The following PIDD1 variants were observed in gnomAD, a reference collection of about 807,000 sequenced individuals.
PIDD1 encodes the protein p53-induced death domain-containing protein 1.
A neutral mutation model predicts 80.0 loss-of-function variants in PIDD1; 72 were observed. The observed-to-expected ratio is 0.90, with a 90% CI of 0.74 to 1.09. The LOEUF (loss-of-function observed/expected upper bound fraction) is 1.09, where lower values mean the gene tolerates loss of function less well. Among genes scored for constraint, PIDD1 ranks in the 50% least tolerant of loss-of-function variants. The probability of loss-of-function intolerance (pLI) is 0.00; values close to 1 mark genes in which losing one functional copy is unlikely to be tolerated. For synonymous variants in PIDD1, 655 were observed against 543.5 expected, an observed-to-expected ratio of 1.21 and a Z score of -2.85; for missense variants, 1,329 against 1,228.3, an observed-to-expected ratio of 1.08 and a Z score of -1.23.
rs1360058599 is a variant in PIDD1 at position 802,031 on chromosome 11, C to T, written c.1236G>A (p.Val412=). 5 of 1,600,088 alleles carry T rather than the reference C, an allele frequency of 3.1e-6. 1 individual carries two copies. Among genetic ancestry groups the T allele is most frequent in the East Asian group, 2.3e-5 (1 of 44,308 alleles). ...PPQARRCREV[V]VRTRNDNSWG... is the part of the protein sequence containing the mutation. ...AGCTGTTGTCATTCCGGGTCCTGAC[C>T]ACCACTTCACGGCAGCGCCGGGCCT... The change falls in exon 7 of 16, where the codon GTG becomes GTA. Residue 412 remains valine, a synonymous_variant. Transcript: ENST00000347755.
In PIDD1 at chr11:799,848, T is replaced by C; in HGVS notation, c.2441A>G (p.Tyr814Cys). 1 of 1,606,370 alleles carries C rather than the reference T, an allele frequency of 6.2e-7. No homozygotes were observed. The change falls in exon 15 of 16, where the codon TAC (tyrosine) becomes TGC (cysteine). Residue 814 changes from tyrosine (Y) to cysteine (C), a missense_variant. Physicochemically the swap from Tyr to Cys is radical, Grantham distance 194. Transcript: ENST00000347755. ...PAVALHLGVS[Y>C]REVQRIRHEF... ...GTGCCGGATGCGCTGCACCTCCCGG[T>C]AGGACACCCCCAGGTGCAGGGCCAC... is the stretch of plus-strand genomic sequence containing the variant.
At position 804,055 on chromosome 11, in the gene PIDD1, C is replaced by T. The variant is rs568718916; in HGVS notation, c.295+39G>A. On this transcript the variant is annotated intron_variant, in intron 2 of 15. Transcript: ENST00000347755. ...AACATGCAGCAGAGGCAGGGCAGAG[C>T]GAGAGATGGAGACAGGGCCCAGAAC... is the stretch of plus-strand genomic sequence containing the variant. 131 of 1,559,500 alleles carry T rather than the reference C, an allele frequency of 8.4e-5. No individual in the cohort carries two copies. In the South Asian group the frequency reaches 1.2e-3, roughly 15 times the overall value.
Position 802,072 on chromosome 11 carries a change from G to T in PIDD1, c.1195C>A (p.Leu399Ile). ...AFQQDVGLWL[L>I]FTPPQARRCR... ...CGCCGGGCCTGCGGTGGGGTGAAGA[G>T]CAGCCACAGCCCCACATCCTGCCAG... is the stretch of plus-strand genomic sequence containing the variant. The change falls in exon 7 of 16, where the codon CTC (leucine) becomes ATC (isoleucine). Residue 399 changes from leucine to isoleucine, a missense_variant. Coordinates refer to ENST00000347755, the MANE Select transcript of PIDD1 (RefSeq NM_145886.4). The T allele has an allele frequency of 6.3e-7, 1 of 1,579,448 alleles. No homozygotes were observed. The highest frequency in any genetic ancestry group is 1.8e-5 in the Admixed American group (1 of 54,358).
upstream of PIDD1, among the ~76,000 whole-genome samples, chr11:806,388 C>T (rs1039698739): frequency 6.6e-6 from 1 of 152,144 alleles, no homozygotes. Flanking sequence ...GCTTCCTCGC[C>T]CAGGAGAGCA....
rs1865138433 is a variant in PIDD1, at chr11:800,120, C to T, written c.2274+11G>A. ...GTCCTGCCCCGCCCCTCTGCTGTCC[C>T]TCAGTCCCACCGGCAGCTTGATGGG... On this transcript the variant is annotated intron_variant, in intron 14 of 15. Coordinates refer to ENST00000347755, the MANE Select transcript of PIDD1 (RefSeq NM_145886.4). The T allele has an allele frequency of 6.2e-7, 1 of 1,608,996 alleles. No homozygotes were observed.
At chr11:802,447 T>C (rs756838165) in intron 5 of PIDD1, 51 bp from the exon 6 acceptor site, 2 of 1,599,122 alleles carry the variant, frequency 1.3e-6, no homozygotes, top group Non-Finnish European at 1.7e-6. Flanking sequence ...GGCCTACGTG[T>C]TGGAGCCTGG....
In PIDD1 at chr11:802,697, C is replaced by T. The variant is rs749541281; in HGVS notation, c.904G>A (p.Ala302Thr). 83 of 1,610,352 alleles carry T rather than the reference C, an allele frequency of 5.2e-5. No individual in the cohort carries two copies. The highest frequency in any genetic ancestry group is 2.7e-4 in the East Asian group (12 of 44,832). ...GNPLGEASPD[A>T]PSSPVAALIP... ...CCAAGCCTACCTGGTGAACTCGGGG[C>T]GTCTGGCGAGGCCTCACCCAGGGGG... is the stretch of plus-strand genomic sequence containing the variant. Residue 302 changes from alanine to threonine, a missense_variant, in exon 4 of 16, where the codon GCC (alanine) becomes ACC (threonine). Coordinates refer to ENST00000347755, the MANE Select transcript of PIDD1 (RefSeq NM_145886.4).
Position 802,897 on chromosome 11 carries a change from G to A in PIDD1, c.710-6C>T, listed in dbSNP as rs1865491245. On this transcript the variant is annotated splice_polypyrimidine_tract_variant and splice_region_variant and intron_variant, in intron 3 of 15. Transcript: ENST00000347755. ...CCGCAAGGACCGAAGTCCCGCTGCG[G>A]GCAGTTGCTGGCTTAGGCTTGGCAC... The A allele has an allele frequency of 6.4e-7, 1 of 1,556,144 alleles. No individual in the cohort carries two copies. The highest frequency in any genetic ancestry group is 8.7e-7 in the Non-Finnish European group (1 of 1,150,952).
Position 800,365 on chromosome 11 carries a change from G to A in PIDD1, c.2128C>T (p.Leu710=). The A allele has an allele frequency of 3.1e-6, 5 of 1,612,950 alleles. No homozygotes were observed. The highest frequency in any genetic ancestry group is 4.2e-6 in the Non-Finnish European group (5 of 1,180,002). Residue 710 remains leucine (L), a synonymous_variant, in exon 13 of 16, where the codon CTG becomes TTG. Coordinates refer to ENST00000347755, the MANE Select transcript of PIDD1 (RefSeq NM_145886.4). The part of the protein sequence containing the change: ...NVKEVYVTTT[L]DREAQAVRGQ... ...CGCACAGCCTGAGCCTCCCGGTCCA[G>A]AGTGGTGGTCACGTATACCTCCTTC...
chr11:799,952 C>T lies in PIDD1; in HGVS notation c.2337G>A (p.Leu779=), dbSNP rs773226675. Residue 779 remains leucine, a synonymous_variant, in exon 15 of 16, where the codon CTG becomes CTA. Transcript: ENST00000347755. The part of the protein sequence containing the change: ...GAGLSLAPLN[L]GDAETGFLTQ... ...TCAGAAAGCCGGTCTCGGCATCTCC[C>T]AGATTCAAGGGTGCCAAGGAGAGGC... The T allele has an allele frequency of 1.6e-5, 25 of 1,612,740 alleles. No individual in the cohort carries two copies. Among genetic ancestry groups the T allele is most frequent in the Non-Finnish European group, 1.9e-5 (23 of 1,179,956 alleles).
At chr11:804,523 C>T (rs1865643874) in intron 1 of PIDD1, 60 bp from the exon 2 acceptor site, 3 of 1,424,512 alleles carry the variant, frequency 2.1e-6, no homozygotes, top group Non-Finnish European at 2.7e-6. Flanking sequence ...TTTGGGGAAA[C>T]AGGGACTCTG....
rs1033802223 is a variant in PIDD1, at chr11:802,273, G to A, written c.1098C>T (p.Gly366=). The A allele has an allele frequency of 1.2e-6, 2 of 1,611,790 alleles. No homozygotes were observed. The highest frequency in any genetic ancestry group is 1.7e-6 in the Non-Finnish European group (2 of 1,179,582). ...IRYRLLLPEP[G]LVPLGPHDAL... ...CGTCATGAGGACCCAGGGGGACGAG[G>A]CCTGGCTCCGGCAGCAGCAGCCGAT... Residue 366 remains glycine, a synonymous_variant, in exon 6 of 16, where the codon GGC becomes GGT. Coordinates refer to ENST00000347755, the MANE Select transcript of PIDD1 (RefSeq NM_145886.4).
At position 803,718 on chromosome 11, in the gene PIDD1, G is replaced by A. The variant is rs903619012; in HGVS notation, c.296-131C>T. On this transcript the variant is annotated intron_variant, in intron 2 of 15. Transcript: ENST00000347755. ...CCCACCCCCACCCCAGCCAGACAGGGACAGACAGACAGAAACACTGGAGAG... is the reference window on the plus strand; with the variant it reads ...CCCACCCCCACCCCAGCCAGACAGGAACAGACAGACAGAAACACTGGAGAG... The A allele has an allele frequency of 3.8e-6, 4 of 1,043,290 alleles. No individual in the cohort carries two copies. In the African/African-American group the frequency reaches 6.4e-5, roughly 17 times the overall value. 64.6% of individuals were successfully genotyped at this position (1,043,290 alleles called of 1,614,324 possible).
chr11:799,437 T>A lies in PIDD1; in HGVS notation c.2603A>T (p.Glu868Val). ...GCCGAGCTCCAAGACTGCGCGCACC[T>A]CTTCAGCCACGTCCTGCCGGTCACT... ...EQSDRQDVAE[E>V]VRAVLELGRR... The change falls in exon 16 of 16, where the codon GAG becomes GTG. Residue 868 changes from glutamate to valine, a missense_variant. Glu to Val is a moderately radical substitution (Grantham distance 121). Coordinates refer to ENST00000347755, the MANE Select transcript of PIDD1 (RefSeq NM_145886.4). 1.2e-6 allele frequency: 2 copies of A among 1,611,060 alleles called. No individual in the cohort carries two copies. The highest frequency in any genetic ancestry group is 1.7e-6 in the Non-Finnish European group (2 of 1,179,886).
In PIDD1 at chr11:799,435, C is replaced by T; in HGVS notation, c.2605G>A (p.Val869Met). Reference sequence around the variant, plus strand: ...CGGCCGAGCTCCAAGACTGCGCGCACCTCTTCAGCCACGTCCTGCCGGTCA... The same window carrying T: ...CGGCCGAGCTCCAAGACTGCGCGCATCTCTTCAGCCACGTCCTGCCGGTCA... ...QSDRQDVAEE[V>M]RAVLELGRRK... Residue 869 changes from valine to methionine, a missense_variant, in exon 16 of 16, where the codon GTG (valine) becomes ATG (methionine). Val to Met is a conservative substitution (Grantham distance 21). Transcript: ENST00000347755. 1 of 1,611,124 alleles carries T rather than the reference C, an allele frequency of 6.2e-7. No individual in the cohort carries two copies. The highest frequency in any genetic ancestry group is 1.3e-5 in the African/African-American group (1 of 75,060).
chr11:802,863 G>A lies in PIDD1; in HGVS notation c.738C>T (p.Val246=). ...CAGAGGCCAGGAGGTTGCTGTGCAGGACAAGGAGCCGCAAGGACCGAAGTC... is the reference window on the plus strand; with the variant it reads ...CAGAGGCCAGGAGGTTGCTGTGCAGAACAAGGAGCCGCAAGGACCGAAGTC... ...LAGLRSLRLL[V]LHSNLLASVP... Residue 246 remains valine (V), a synonymous_variant, in exon 4 of 16, where the codon GTC becomes GTT. Transcript: ENST00000347755. 1 of 1,580,704 alleles carries A rather than the reference G, an allele frequency of 6.3e-7. No homozygotes were observed. Among genetic ancestry groups the A allele is most frequent in the Non-Finnish European group, 8.6e-7 (1 of 1,164,128 alleles).
upstream of PIDD1, among the ~76,000 whole-genome samples, chr11:807,253 G>A (rs1590160279): frequency 6.6e-6 from 1 of 151,860 alleles, no homozygotes; most frequent in African/African-American, 2.4e-5. Context: ...CACTTTGGGA[G>A]GCCGAGGCGG....
In PIDD1 at chr11:799,874, G is replaced by A. The variant is rs369802213; in HGVS notation, c.2415C>T (p.Ala805=). 175 of 1,611,148 alleles carry A rather than the reference G, an allele frequency of 1.1e-4. No individual in the cohort carries two copies. Among genetic ancestry groups the A allele is most frequent in the Admixed American group, 1.7e-4 (10 of 59,914 alleles). The part of the protein sequence containing the change: ...VAGRLGLDWP[A]VALHLGVSYR... ...AGGACACCCCCAGGTGCAGGGCCAC[G>A]GCTGGCCAGTCCAGACCCAGACGCC... Residue 805 remains alanine, a synonymous_variant, in exon 15 of 16, where the codon GCC becomes GCT. Coordinates refer to ENST00000347755, the MANE Select transcript of PIDD1 (RefSeq NM_145886.4).
chr11:801,695 G>A (rs1195503611), intron 7 of PIDD1, 71 bp from the exon 8 acceptor site: 1 of 1,336,224 alleles, frequency 7.5e-7, no homozygotes, highest in Admixed American at 2.0e-5. Flanking sequence ...ACAGGGAGCA[G>A]GATCCAGGAG....
Sources: allele counts gnomAD v4.1 joint callset (sites outside exome capture counted in the v4.1 genomes callset), GRCh38; gene constraint gnomAD v4.1.1; transcripts MANE v1.5; gene names NCBI Gene and HGNC (gene_info 2026-07-23, HGNC 2026-07-21).